The following NUBP2 variants were observed in gnomAD, a reference collection of about 807,000 sequenced individuals.
NUBP2 encodes NUBP iron-sulfur cluster assembly factor 2, cytosolic, also known as cytosolic Fe-S cluster assembly factor NUBP2.
A neutral mutation model predicts 24.9 loss-of-function variants in NUBP2; 23 were observed. The observed-to-expected ratio is 0.92, with a 90% CI of 0.66 to 1.31. NUBP2 has a LOEUF of 1.31. NUBP2 is among the 50% of genes most tolerant of loss of function. The pLI, the probability that NUBP2 is intolerant of heterozygous loss-of-function variation, is 0.00. For synonymous variants in NUBP2, 186 were observed against 170.9 expected, an observed-to-expected ratio of 1.09 and a Z score of -0.69; for missense variants, 403 against 386.5, an observed-to-expected ratio of 1.04 and a Z score of -0.36.
At position 1,788,038 on chromosome 16, in the gene NUBP2, GC is replaced by G; in HGVS notation, c.590del (p.Pro197HisfsTer27). 6.3e-7 allele frequency: 1 copy of G among 1,593,562 alleles called. No individual in the cohort carries two copies. On this transcript the variant is annotated frameshift_variant, in exon 5 of 7. Coordinates refer to ENST00000262302, the MANE Select transcript of NUBP2 (RefSeq NM_012225.4). LOFTEE classifies it high-confidence loss of function. ...GIVENMSGFT[C>X]PHCTECTSVF... ...GTGGAGAATATGAGCGGCTTCACCTGCCCACACTGCACGGTGAGTCCCGGGG... is the reference window on the plus strand; with the variant it reads ...GTGGAGAATATGAGCGGCTTCACCTGCCACACTGCACGGTGAGTCCCGGGG...
Position 1,788,626 on chromosome 16 carries a change from T to C in NUBP2, c.728T>C (p.Ile243Thr), listed in dbSNP as rs1897111208. The C allele has an allele frequency of 1.9e-6, 3 of 1,611,242 alleles. No homozygotes were observed. The highest frequency in any genetic ancestry group is 2.5e-6 in the Non-Finnish European group (3 of 1,179,504). The change falls in exon 7 of 7, where the codon ATC becomes ACC. Residue 243 changes from isoleucine (I) to threonine (T), a missense_variant. Transcript: ENST00000262302. ...ACCCTGGAGGAGGGCCACGACTTCATCCAGGAGTTCCCTGGGAGCCCCGCC... is the reference window on the plus strand; with the variant it reads ...ACCCTGGAGGAGGGCCACGACTTCACCCAGGAGTTCCCTGGGAGCCCCGCC... ...MRTLEEGHDF[I>T]QEFPGSPAFA...
In NUBP2 at chr16:1,786,807, CG is replaced by C. The variant is rs777545975; in HGVS notation, c.190del (p.Ala64ArgfsTer50). On this transcript the variant is annotated frameshift_variant, in exon 3 of 7. Transcript: ENST00000262302. LOFTEE classifies it high-confidence loss of function. ...GTGGCCCCAGTATCCCCCGCATGCT[CG>C]GGGCGCAGGGCAGGGCTGTGCACCA... ...LCGPSIPRML[G>X]AQGRAVHQCD... is the part of the protein sequence containing the mutation. The C allele has an allele frequency of 1.2e-6, 2 of 1,609,782 alleles. No homozygotes were observed. Among genetic ancestry groups the C allele is most frequent in the East Asian group, 4.5e-5 (2 of 44,788 alleles).
chr16:1,787,385 A>G, intron 3 of NUBP2: 1 of 508,772 alleles, frequency 2.0e-6, no homozygotes, highest in Non-Finnish European at 3.5e-6. Flanking sequence ...GTGTGGGTAC[A>G]GACGCCTGGA....
At chr16:1,785,733 C>T (rs753371680) in intron 1 of NUBP2, 11 of 1,289,044 alleles carry the variant, frequency 8.5e-6, no homozygotes, top group South Asian at 4.9e-5. Flanking sequence ...CCAGGTTCTC[C>T]GGGAGGCTTT....
intron 1 of NUBP2, chr16:1,785,667 C>T (rs1016799242): frequency 2.3e-6 from 3 of 1,288,852 alleles, no homozygotes; most frequent in South Asian, 1.2e-5. Flanking sequence ...GCCTTTTCCG[C>T]GTCCCCTGGA....
intron 1 of NUBP2, chr16:1,786,048 C>G: frequency 8.8e-7 from 1 of 1,136,644 alleles, no homozygotes; most frequent in East Asian, 6.2e-5. Flanking sequence ...TTGCAGGGAC[C>G]GAGAGCCGGG....
At chr16:1,788,475 C>T in intron 6 of NUBP2, 94 bp from the exon 7 acceptor site, 3 of 1,445,632 alleles carry the variant, frequency 2.1e-6, no homozygotes, top group South Asian at 2.8e-5. Context: ...TCAATCCCCT[C>T]TAAGGCCACG....
intron 1 of NUBP2, 160 bp downstream of exon 1, chr16:1,783,196 A>C: frequency 8.5e-7 from 1 of 1,172,826 alleles, no homozygotes; most frequent in Non-Finnish European, 1.1e-6. Flanking sequence ...GGCATTTTCT[A>C]AACAGGGTCG....
At chr16:1,786,484 T>C (rs374886365) in intron 1 of NUBP2, 53 bp from the exon 2 acceptor site, 1 of 1,469,300 alleles carries the variant, frequency 6.8e-7, no homozygotes, top group Non-Finnish European at 9.3e-7. Context: ...CCCGCGTGTG[T>C]GGGCACAGTG....
chr16:1,785,020 C>G (rs1223546432), intron 1 of NUBP2: 3 of 932,394 alleles, frequency 3.2e-6, no homozygotes, highest in Non-Finnish European at 3.8e-6. Flanking sequence ...CCACTGTACT[C>G]CAGCCTGGGC....
At chr16:1,784,132 C>A in intron 1 of NUBP2, 1 of 758,490 alleles carries the variant, frequency 1.3e-6, no homozygotes, top group Non-Finnish European at 1.6e-6. Flanking sequence ...TAACTGTCGC[C>A]AAGGCTGAAG....
intron 4 of NUBP2, 54 bp from the exon 5 acceptor site, chr16:1,787,887 G>A (rs970866624): frequency 2.9e-5 from 46 of 1,600,890 alleles, no homozygotes; most frequent in South Asian, 2.7e-4. Flanking sequence ...AGGGCTGGGC[G>A]GGTGTCCCTG....
intron 1 of NUBP2, chr16:1,785,925 A>G: frequency 7.8e-7 from 1 of 1,279,774 alleles, no homozygotes; most frequent in Non-Finnish European, 1.0e-6. Context: ...GGGTTTTGCC[A>G]AGGTATCTGC....
chr16:1,783,433 A>G, intron 1 of NUBP2: 2 of 1,014,302 alleles, frequency 2.0e-6, no homozygotes, highest in Non-Finnish European at 2.4e-6. Context: ...CAGTCATGAA[A>G]GTAAGACGGA....
At chr16:1,788,262 G>C (rs1438486456) in intron 6 of NUBP2, 55 bp downstream of exon 6, 2 of 1,427,680 alleles carry the variant, frequency 1.4e-6, no homozygotes, top group Non-Finnish European at 1.8e-6. Context: ...TCTCTGCCCT[G>C]GGCGGGTTTG....
Position 1,786,661 on chromosome 16 carries a change from C to T in NUBP2, c.135+6C>T, listed in dbSNP as rs1455558376. 9.3e-6 allele frequency: 15 copies of T among 1,612,200 alleles called. No individual in the cohort carries two copies. Among genetic ancestry groups the T allele is most frequent in the African/African-American group, 5.3e-5 (4 of 74,930 alleles). On this transcript the variant is annotated splice_donor_region_variant and intron_variant, in intron 2 of 6. Transcript: ENST00000262302. ...TGCGCCATGCAGGCAAGAAGGTGAG[C>T]GCCCTACCCCTCACTGGGCGGAGCC... is the stretch of plus-strand genomic sequence containing the variant.
At chr16:1,783,676 C>T (rs1376353119) in intron 1 of NUBP2, among the ~76,000 whole-genome samples, 2 of 152,222 alleles carry the variant, frequency 1.3e-5, no homozygotes, top group African/African-American at 2.4e-5. Flanking sequence ...ACAACTCTGA[C>T]AGATTAGAAA....
At chr16:1,783,359 G>A in intron 1 of NUBP2, 1 of 1,093,660 alleles carries the variant, frequency 9.1e-7, no homozygotes, top group Non-Finnish European at 1.1e-6. Flanking sequence ...TGGAGGTCGC[G>A]GTTGCAACTG....
chr16:1,783,894 C>T (rs1265518267), intron 1 of NUBP2: 1 of 342,946 alleles, frequency 2.9e-6, no homozygotes, highest in Non-Finnish European at 4.1e-6. Context: ...GGGGTTTCAC[C>T]GTGTTAGCCA....
Sources: gnomAD v4.1 joint callset for allele counts (sites outside exome capture counted in the v4.1 genomes callset) on GRCh38, gnomAD v4.1.1 for gene constraint, MANE v1.5 for transcripts, NCBI Gene and HGNC (gene_info 2026-07-23, HGNC 2026-07-21) for gene names.